The following WDR27 variants were observed in gnomAD, a reference collection of about 807,000 sequenced individuals.
WDR27 encodes WD repeat-containing protein 27.
A neutral mutation model predicts 114.4 loss-of-function variants in WDR27; 100 were observed. The ratio of observed to expected loss-of-function variants is 0.87; its 90% confidence interval spans 0.74 to 1.03. The LOEUF (loss-of-function observed/expected upper bound fraction) is 1.03, where lower values mean the gene tolerates loss of function less well. Ranked by LOEUF, WDR27 falls within the 50% of genes least tolerant of loss-of-function variation. WDR27 has a pLI of 0.00. For missense variants in WDR27, 1,129 were observed against 1,092.9 expected (o/e 1.03, Z -0.47); for synonymous variants, 449 against 423.1 (o/e 1.06, Z -0.75).
At chr6:169,460,495 A>G (rs1784779993) in intron 25 of WDR27, among the ~76,000 whole-genome samples, 1 of 152,230 alleles carries the variant, frequency 6.6e-6, no homozygotes. Context: ...TTTACTTAAC[A>G]GAAGAGAAGG....
intron 2 of WDR27, among the ~76,000 whole-genome samples, chr6:169,678,999 A>G (rs1216180328): frequency 1.3e-5 from 2 of 152,214 alleles, no homozygotes; most frequent in African/African-American, 2.4e-5. Flanking sequence ...AGAGTAAAAC[A>G]TGGTCTCCAC....
intron 25 of WDR27, among the ~76,000 whole-genome samples, chr6:169,485,321 A>G (rs1275254381): frequency 1.3e-5 from 2 of 152,220 alleles, no homozygotes; most frequent in Non-Finnish European, 2.9e-5. Flanking sequence ...ACAACTTTAC[A>G]GAAAAAACAA....
At chr6:169,527,369 G>C (rs995195006) in intron 25 of WDR27, among the ~76,000 whole-genome samples, 1 of 151,122 alleles carries the variant, frequency 6.6e-6, no homozygotes, top group East Asian at 1.9e-4. Context: ...GCATAAAAGA[G>C]GTCAGACACA....
At chr6:169,546,103 C>T (rs1395804468) in intron 25 of WDR27, among the ~76,000 whole-genome samples, 1 of 152,040 alleles carries the variant, frequency 6.6e-6, no homozygotes, top group Non-Finnish European at 1.5e-5. Flanking sequence ...CTCTGTGGCT[C>T]AAATAGAAAA....
chr6:169,609,210 T>G (rs1809960300), intron 22 of WDR27, among the ~76,000 whole-genome samples: 1 of 152,092 alleles, frequency 6.6e-6, no homozygotes, highest in African/African-American at 2.4e-5. Context: ...TGTAGATGGA[T>G]CTATCATTCT....
chr6:169,455,999 C>T (rs1784332797), downstream of WDR27, among the ~76,000 whole-genome samples: 1 of 151,952 alleles, frequency 6.6e-6, no homozygotes, highest in South Asian at 2.1e-4. Flanking sequence ...TATATAAAAA[C>T]CATAGCAATA....
At chr6:169,546,283 G>C (rs573177323) in intron 25 of WDR27, among the ~76,000 whole-genome samples, 1 of 152,318 alleles carries the variant, frequency 6.6e-6, no homozygotes, top group South Asian at 2.1e-4. Context: ...ATTTGCCCCA[G>C]AGGAAAGACA....
intron 25 of WDR27, among the ~76,000 whole-genome samples, chr6:169,475,602 C>T (rs1787039672): frequency 6.6e-6 from 1 of 152,228 alleles, no homozygotes; most frequent in Admixed American, 6.5e-5. Flanking sequence ...TTATTTTTCA[C>T]AATGGAGAGA....
chr6:169,642,253 A>G (rs1490841373), intron 17 of WDR27, among the ~76,000 whole-genome samples: 1 of 152,208 alleles, frequency 6.6e-6, no homozygotes, highest in Admixed American at 6.5e-5. Context: ...TTACACACCC[A>G]AAGTGAAACG....
chr6:169,660,793 T>G, intron 9 of WDR27, 27 bp from the exon 10 acceptor site: 1 of 1,594,926 alleles, frequency 6.3e-7, no homozygotes, highest in South Asian at 1.1e-5. Context: ...AAGAAAAGAA[T>G]ACACAATAAT....
the WDR27 span, among the ~76,000 whole-genome samples, chr6:169,442,505 CCTT>C: frequency 3.3e-5 from 5 of 152,106 alleles, no homozygotes; most frequent in African/African-American, 1.2e-4. Context: ...ATTTTTATCT[CCTT>C]ATTTCCTTAA....
rs201096415 is a variant in WDR27, at chr6:169,595,784, TTTA to T, written c.2424+6432_2424+6434del. Among the ~76,000 whole-genome samples the T allele has an allele frequency of 9.6e-3, 266 of 27,704 alleles. 8 individuals carry two copies. The highest frequency in any genetic ancestry group is 0.057 in the East Asian group (11 of 194). The allele number at this position is 27,704 out of a possible 152,430, so 18.2% of individuals were successfully genotyped here. A position where few individuals can be genotyped will look rare whatever the true frequency, so the allele number is the denominator to read the frequency against. On this transcript the variant is annotated intron_variant, in intron 23 of 25. Coordinates refer to ENST00000448612, the MANE Select transcript of WDR27 (RefSeq NM_182552.5). ...CAATCTTACCTTGGTTTTATACAGC[TTTA>T]TTTTTTTTTTTTTCAATATAACTCA...
At chr6:169,458,183 T>A (rs1784498562) in intron 25 of WDR27, among the ~76,000 whole-genome samples, 2 of 152,140 alleles carry the variant, frequency 1.3e-5, no homozygotes, top group Admixed American at 6.6e-5. Context: ...TCTGGCACAT[T>A]AGCAGCTCCA....
chr6:169,688,201 T>C (rs1004161910), intron 2 of WDR27, among the ~76,000 whole-genome samples: 1 of 152,128 alleles, frequency 6.6e-6, no homozygotes, highest in African/African-American at 2.4e-5. Flanking sequence ...TAATACTGTG[T>C]AGCAATGAAA....
intron 25 of WDR27, among the ~76,000 whole-genome samples, chr6:169,469,044 T>C (rs915037776): frequency 1.3e-5 from 2 of 152,218 alleles, no homozygotes; most frequent in African/African-American, 4.8e-5. Context: ...CTAAAAGGCC[T>C]ATATCCAAAC....
intron 25 of WDR27, among the ~76,000 whole-genome samples, chr6:169,570,178 G>A (rs1251757129): frequency 6.6e-6 from 1 of 152,216 alleles, no homozygotes; most frequent in African/African-American, 2.4e-5. Flanking sequence ...TGGCCACAAG[G>A]AAACCACAGG....
intron 25 of WDR27, among the ~76,000 whole-genome samples, chr6:169,530,905 AG>A: frequency 6.6e-6 from 1 of 152,340 alleles, no homozygotes; most frequent in South Asian, 2.1e-4. Context: ...CTCATGTCTG[AG>A]ATGCAGCCAC....
At chr6:169,491,780 G>A (rs1429369078) in intron 25 of WDR27, among the ~76,000 whole-genome samples, 3 of 152,122 alleles carry the variant, frequency 2.0e-5, no homozygotes, top group Admixed American at 6.6e-5. Flanking sequence ...GAGACACTGA[G>A]GTAGTTACAT....
chr6:169,665,904 A>C (rs1231274194), intron 6 of WDR27, among the ~76,000 whole-genome samples: 1 of 152,178 alleles, frequency 6.6e-6, no homozygotes, highest in East Asian at 1.9e-4. Context: ...GCCTAGAGGG[A>C]GGGCAGCACT....
Sources: allele counts gnomAD v4.1 joint callset (sites outside exome capture counted in the v4.1 genomes callset), GRCh38; gene constraint gnomAD v4.1.1; transcripts MANE v1.5; gene names NCBI Gene and HGNC (gene_info 2026-07-23, HGNC 2026-07-21).